The following SAMSN1 variants were observed in gnomAD, a reference collection of about 807,000 sequenced individuals.
SAMSN1 encodes the protein SAM domain-containing protein SAMSN-1.
SAMSN1 carries 31 observed loss-of-function variants against 42.0 expected under a neutral mutation model. The ratio of observed to expected loss-of-function variants is 0.74; its 90% CI spans 0.55 to 1.00. The LOEUF is 1.00. Ranked by LOEUF, SAMSN1 falls within the 50% of genes least tolerant of loss-of-function variation. The probability of loss-of-function intolerance (pLI) is 0.00; values close to 1 mark genes in which losing one functional copy is unlikely to be tolerated. For missense variants in SAMSN1, 464 were observed against 439.4 expected (o/e 1.06, Z -0.50); for synonymous variants, 178 against 151.9 (o/e 1.17, Z -1.26).
chr21:14,593,920 G>T, intron 7 of SAMSN1: 2 of 670,710 alleles, frequency 3.0e-6, no homozygotes, highest in East Asian at 2.7e-5. Flanking sequence ...AAGTAATAAA[G>T]AACTATAGAA....
chr21:14,553,830 C>T (rs1980674518), intron 2 of SAMSN1, among the ~76,000 whole-genome samples: 1 of 151,906 alleles, frequency 6.6e-6, no homozygotes, highest in Non-Finnish European at 1.5e-5. Context: ...CTGCCTCTTT[C>T]CTCTGGATTT....
At chr21:14,502,145 G>A (rs1987188639) in intron 5 of SAMSN1, among the ~76,000 whole-genome samples, 1 of 152,180 alleles carries the variant, frequency 6.6e-6, no homozygotes, top group Non-Finnish European at 1.5e-5. Context: ...CTGAGAATGT[G>A]TGTTCTTCCA....
intron 2 of SAMSN1, among the ~76,000 whole-genome samples, chr21:14,630,500 ATCT>A (rs1983301626): frequency 6.6e-6 from 1 of 152,094 alleles, no homozygotes; most frequent in Non-Finnish European, 1.5e-5. Context: ...ATTAACCTTC[ATCT>A]ATTGATTTCA....
chr21:14,579,360 C>T (rs1377564315), intron 2 of SAMSN1, among the ~76,000 whole-genome samples: 1 of 152,036 alleles, frequency 6.6e-6, no homozygotes, highest in Non-Finnish European at 1.5e-5. Flanking sequence ...GACAAAACTA[C>T]CTAAATAAAA....
chr21:14,486,750 C>A (rs1228366912), intron 7 of SAMSN1, among the ~76,000 whole-genome samples: 1 of 152,142 alleles, frequency 6.6e-6, no homozygotes, highest in Non-Finnish European at 1.5e-5. Context: ...TCCACTGAAT[C>A]TACTTTATGA....
intron 1 of SAMSN1, among the ~76,000 whole-genome samples, chr21:14,648,207 G>A (rs1024643682): frequency 1.3e-5 from 2 of 152,214 alleles, no homozygotes; most frequent in East Asian, 1.9e-4. Flanking sequence ...GGGAAAACTG[G>A]CTAGCCATAT....
At chr21:14,589,319 T>C (rs906791254) in intron 7 of SAMSN1, among the ~76,000 whole-genome samples, 5 of 152,004 alleles carry the variant, frequency 3.3e-5, no homozygotes, top group African/African-American at 9.7e-5. Context: ...AGAGTTGGGA[T>C]GGAAATCAAG....
At chr21:14,495,994 A>T (rs915435327) in intron 7 of SAMSN1, 10 of 152,132 alleles carry the variant, frequency 6.6e-5, no homozygotes, top group Admixed American at 3.9e-4. Flanking sequence ...TGATGAGTGA[A>T]GTGGAATGAA....
At chr21:14,489,354 A>C (rs1463887831) in intron 7 of SAMSN1, among the ~76,000 whole-genome samples, 3 of 151,804 alleles carry the variant, frequency 2.0e-5, no homozygotes, top group Non-Finnish European at 4.4e-5. Flanking sequence ...AAAAGTATAC[A>C]TAATTCATGT....
intron 7 of SAMSN1, among the ~76,000 whole-genome samples, chr21:14,590,098 T>A (rs1982035585): frequency 6.6e-6 from 1 of 152,174 alleles, no homozygotes; most frequent in African/African-American, 2.4e-5. Flanking sequence ...GCATAGGGCT[T>A]AGAAATTTTT....
At chr21:14,540,835 T>G (rs533496161) in intron 1 of SAMSN1, among the ~76,000 whole-genome samples, 35 of 152,308 alleles carry the variant, frequency 2.3e-4, no homozygotes, top group African/African-American at 8.2e-4. Flanking sequence ...CATGCACATG[T>G]ATGTTTATTG....
intron 2 of SAMSN1, among the ~76,000 whole-genome samples, chr21:14,629,659 A>G (rs114996109): frequency 2.3e-4 from 35 of 152,310 alleles, no homozygotes; most frequent in African/African-American, 8.4e-4. Context: ...CCTGTAGCTT[A>G]TAGCGCCTGG....
chr21:14,532,065 C>CCG (rs1257086055), intron 1 of SAMSN1, among the ~76,000 whole-genome samples: 3 of 152,070 alleles, frequency 2.0e-5, no homozygotes, highest in Non-Finnish European at 4.4e-5. Context: ...TTAATGGTCA[C>CCG]CGCCAGCCCA....
intron 1 of SAMSN1, among the ~76,000 whole-genome samples, chr21:14,522,501 C>G (rs1047748160): frequency 6.6e-6 from 1 of 152,084 alleles, no homozygotes; most frequent in African/African-American, 2.4e-5. Context: ...TAATGGGAGT[C>G]AGTAATCTAT....
chr21:14,511,645 C>T (rs111738496), intron 4 of SAMSN1, among the ~76,000 whole-genome samples: 2 of 152,124 alleles, frequency 1.3e-5, no homozygotes, highest in African/African-American at 4.8e-5. Flanking sequence ...TTTGCAAAAA[C>T]ATTTAAAAAC....
chr21:14,614,487 A>G (rs1478601850), intron 3 of SAMSN1, among the ~76,000 whole-genome samples: 1 of 152,152 alleles, frequency 6.6e-6, no homozygotes, highest in African/African-American at 2.4e-5. Context: ...GTAAACACAC[A>G]TATCTCATCA....
chr21:14,566,870 T>C (rs1981137238), intron 2 of SAMSN1, among the ~76,000 whole-genome samples: 1 of 151,940 alleles, frequency 6.6e-6, no homozygotes, highest in Non-Finnish European at 1.5e-5. Flanking sequence ...CATGTTAGTG[T>C]TATCCAGTAC....
At chr21:14,587,171 C>G (rs887823539), upstream of SAMSN1, among the ~76,000 whole-genome samples, 1 of 152,170 alleles carries the variant, frequency 6.6e-6, no homozygotes, top group African/African-American at 2.4e-5. Context: ...TGTTATTCAT[C>G]TTTACTTCAC....
rs150335866 is a variant in SAMSN1 at position 14,650,506 on chromosome 21, A to G, written c.25-7373T>C. Among the ~76,000 whole-genome samples the G allele has an allele frequency of 3.5e-3, 540 of 152,188 alleles. 4 individuals are homozygous for G. The highest frequency in any genetic ancestry group is 4.5e-3 in the Non-Finnish European group (304 of 67,982). On this transcript the variant is annotated intron_variant, in intron 1 of 15. Coordinates refer to the SAMSN1 transcript ENST00000647101. ...AGAAATGATAACAGAAACACAACAT[A>G]CCAAAACCTATGGGATACACCAAAG...
Sources: gnomAD v4.1 joint callset for allele counts (sites outside exome capture counted in the v4.1 genomes callset) on GRCh38, gnomAD v4.1.1 for gene constraint, MANE v1.5 for transcripts, NCBI Gene and HGNC (gene_info 2026-07-23, HGNC 2026-07-21) for gene names.